TENM4: variants seen among roughly 807,000 people sequenced by gnomAD.
TENM4 encodes teneurin transmembrane protein 4.
Under a neutral mutation model 243.3 loss-of-function variants are expected in TENM4, and 82 were observed. That is an observed-to-expected ratio of 0.34 (90% CI 0.28 to 0.40). TENM4 has a LOEUF of 0.40. Among genes scored for constraint, TENM4 ranks in the 10% least tolerant of loss-of-function variants. The probability of loss-of-function intolerance (pLI) is 1.00; values close to 1 mark genes in which losing one functional copy is unlikely to be tolerated. For synonymous variants in TENM4, 1,412 were observed against 1,456.3 expected (o/e 0.97, Z 0.69); for missense variants, 3,138 against 3,673.3 (o/e 0.85, Z 3.77).
intron 6 of TENM4, among the ~76,000 whole-genome samples, chr11:79,046,217 G>A (rs1200939072): frequency 6.6e-6 from 1 of 152,208 alleles, no homozygotes; most frequent in Non-Finnish European, 1.5e-5. Context: ...GAGATGCTGT[G>A]AGCCAGGGAG....
At chr11:78,829,158 G>T (rs1161624838) in intron 12 of TENM4, among the ~76,000 whole-genome samples, 1 of 152,222 alleles carries the variant, frequency 6.6e-6, no homozygotes, top group Non-Finnish European at 1.5e-5. Flanking sequence ...CCACTGGGCT[G>T]GTGTGTGAGT....
chr11:79,142,449 T>C (rs1401332216), intron 4 of TENM4, among the ~76,000 whole-genome samples: 3 of 151,906 alleles, frequency 2.0e-5, no homozygotes, highest in Admixed American at 2.0e-4. Context: ...ATCTCTACAA[T>C]GAAAACTGTA....
At chr11:79,138,331 T>TATATAATATATATA (rs1565219214) in intron 4 of TENM4, among the ~76,000 whole-genome samples, 20 of 76,134 alleles carry the variant, frequency 2.6e-4, no homozygotes, top group African/African-American at 1.3e-3. Flanking sequence ...ATATATATAT[T>TATATAATATATATA]ATATATATAA....
intron 4 of TENM4, among the ~76,000 whole-genome samples, chr11:79,128,237 T>A (rs1861923240): frequency 6.6e-6 from 1 of 152,280 alleles, no homozygotes; most frequent in Middle Eastern, 3.4e-3. Context: ...AGATAACTAC[T>A]CTCCTTTTGA....
chr11:78,838,458 T>C (rs1858171521), intron 12 of TENM4, among the ~76,000 whole-genome samples: 1 of 152,240 alleles, frequency 6.6e-6, no homozygotes, highest in African/African-American at 2.4e-5. Flanking sequence ...TCAGTGACTT[T>C]AGTGCTTAAA....
At chr11:78,931,734 A>T (rs1856674012) in intron 6 of TENM4, among the ~76,000 whole-genome samples, 1 of 152,340 alleles carries the variant, frequency 6.6e-6, no homozygotes, top group East Asian at 1.9e-4. Context: ...TGGTTCTGAA[A>T]TCAGACAGAT....
chr11:79,147,932 G>C (rs1286362132), intron 4 of TENM4, among the ~76,000 whole-genome samples: 1 of 152,058 alleles, frequency 6.6e-6, no homozygotes, highest in East Asian at 1.9e-4. Context: ...TTTACTCTGA[G>C]TCAGCAAAAC....
At chr11:78,824,530 C>A (rs1299809554) in intron 12 of TENM4, among the ~76,000 whole-genome samples, 1 of 142,078 alleles carries the variant, frequency 7.0e-6, no homozygotes, top group African/African-American at 2.7e-5. Context: ...GAGGTGGAGT[C>A]TTGCTCTGTT....
intron 6 of TENM4, among the ~76,000 whole-genome samples, chr11:78,953,791 GT>G (rs1857154891): frequency 6.6e-6 from 1 of 152,172 alleles, no homozygotes; most frequent in Non-Finnish European, 1.5e-5. Flanking sequence ...GGAGGTTGCT[GT>G]TGCGGGGAGG....
intron 12 of TENM4, among the ~76,000 whole-genome samples, chr11:78,842,303 A>C (rs1242360961): frequency 6.6e-6 from 1 of 152,208 alleles, no homozygotes; most frequent in Non-Finnish European, 1.5e-5. Flanking sequence ...GGTCAATAGA[A>C]CCAGCCTATA....
chr11:78,736,488 G>A (rs1349467489), intron 20 of TENM4, among the ~76,000 whole-genome samples: 17 of 149,534 alleles, frequency 1.1e-4, no homozygotes, highest in Non-Finnish European at 1.6e-4. Context: ...GTGCGCGCGC[G>A]TGCATGTGAG....
chr11:79,227,127 C>T (rs367654947), intron 2 of TENM4, among the ~76,000 whole-genome samples: 4 of 152,174 alleles, frequency 2.6e-5, no homozygotes, highest in South Asian at 4.1e-4. Flanking sequence ...ACTTTGTCTT[C>T]GACAACATCC....
In TENM4 at chr11:78,654,073, T is replaced by C. The variant is rs753618967; in HGVS notation, c.*3985A>G. On this transcript the variant is annotated 3_prime_UTR_variant, in exon 34 of 34. Coordinates refer to ENST00000278550, the MANE Select transcript of TENM4 (RefSeq NM_001098816.3). ...TCCTCCAGTAAAATATAGACAAGTG[T>C]ATAAACCTAGCTGGGAATGATGTGC... 3.3e-5 allele frequency: 5 copies of C among 152,190 alleles called. No individual in the cohort carries two copies. Among genetic ancestry groups the C allele is most frequent in the Non-Finnish European group, 7.3e-5 (5 of 68,034 alleles). 9.4% of individuals were successfully genotyped at this position (152,190 alleles called of 1,614,324 possible).
intron 6 of TENM4, among the ~76,000 whole-genome samples, chr11:78,979,253 G>A (rs1226731622): frequency 6.6e-6 from 1 of 152,094 alleles, no homozygotes; most frequent in East Asian, 1.9e-4. Context: ...CCCTCCCAAG[G>A]GAGGGACTCC....
chr11:78,738,282 G>T (rs1855844960), intron 20 of TENM4, among the ~76,000 whole-genome samples, 169 bp downstream of exon 20: 1 of 152,224 alleles, frequency 6.6e-6, no homozygotes, highest in Non-Finnish European at 1.5e-5. Context: ...ATAGGCCAGA[G>T]TTAGGTACAA....
chr11:79,024,741 G>A (rs147137413), intron 6 of TENM4, among the ~76,000 whole-genome samples: 5 of 152,302 alleles, frequency 3.3e-5, no homozygotes, highest in East Asian at 1.9e-4. Context: ...GTTTCAGCTC[G>A]TGTGTATGGT....
At chr11:78,767,274 G>A (rs1856557967) in intron 18 of TENM4, among the ~76,000 whole-genome samples, 1 of 152,210 alleles carries the variant, frequency 6.6e-6, no homozygotes, top group South Asian at 2.1e-4. Flanking sequence ...CTTATCATGA[G>A]GGAATAGTAA....
chr11:79,180,376 T>G (rs2135138180), intron 3 of TENM4, among the ~76,000 whole-genome samples: 1 of 151,720 alleles, frequency 6.6e-6, no homozygotes, highest in South Asian at 2.1e-4. Flanking sequence ...GCACATACGA[T>G]CTATAGATTC....
At chr11:78,729,928 T>C (rs1302947931) in intron 21 of TENM4, among the ~76,000 whole-genome samples, 2 of 152,114 alleles carry the variant, frequency 1.3e-5, no homozygotes, top group African/African-American at 2.4e-5. Context: ...TTTCATGTGG[T>C]GACCCTGCAG....
Sources: allele counts gnomAD v4.1 joint callset (sites outside exome capture counted in the v4.1 genomes callset), GRCh38; gene constraint gnomAD v4.1.1; transcripts MANE v1.5; gene names NCBI Gene and HGNC (gene_info 2026-07-23, HGNC 2026-07-21).